PCCA: variants seen among roughly 807,000 people sequenced by gnomAD.
The protein encoded by PCCA is propionyl-CoA carboxylase subunit alpha.
A neutral mutation model predicts 101.3 loss-of-function variants in PCCA; 74 were observed. The observed-to-expected ratio is 0.73, with a 90% CI of 0.61 to 0.89. PCCA has a LOEUF of 0.89. Ranked by LOEUF, PCCA falls within the 40% of genes least tolerant of loss-of-function variation. The pLI, the probability that PCCA is intolerant of heterozygous loss-of-function variation, is 0.00. For synonymous variants in PCCA, 294 were observed against 313.6 expected (o/e 0.94, Z 0.66); for missense variants, 891 against 907.0 (o/e 0.98, Z 0.23).
Position 100,527,746 on chromosome 13 carries a change from T to A in PCCA, c.2112T>A (p.Thr704=). 1 of 1,611,712 alleles carries A rather than the reference T, an allele frequency of 6.2e-7. No individual in the cohort carries two copies. The highest frequency in any genetic ancestry group is 8.5e-7 in the Non-Finnish European group (1 of 1,177,970). Residue 704 remains threonine (T), a synonymous_variant, in exon 23 of 24, where the codon ACT becomes ACA. Coordinates refer to ENST00000376285, the MANE Select transcript of PCCA (RefSeq NM_000282.4). ...KMQNSMTAGK[T]GTVKSVHCQA... The stretch of plus-strand genomic sequence containing the variant: ...AGAATAGTATGACAGCTGGGAAAAC[T>A]GGCACGGTGAGTCCCTAAGTCCCCA...
At chr13:100,216,073 CTCCCCT>C (rs1229133158) in intron 7 of PCCA, among the ~76,000 whole-genome samples, 70 of 151,732 alleles carry the variant, frequency 4.6e-4, no homozygotes, top group African/African-American at 1.5e-3. Context: ...TCCCCTTCCC[CTCCCCT>C]TCCCCTTCCC....
chr13:100,129,576 G>A (rs1410030831), intron 4 of PCCA, among the ~76,000 whole-genome samples: 1 of 151,928 alleles, frequency 6.6e-6, no homozygotes, highest in African/African-American at 2.4e-5. Context: ...GTGCCCCCCC[G>A]CCGGCATTTT....
chr13:100,364,683 CTG>C (rs893815874), intron 18 of PCCA, among the ~76,000 whole-genome samples: 2 of 152,150 alleles, frequency 1.3e-5, no homozygotes, highest in African/African-American at 4.8e-5. Context: ...AGTTTCGACT[CTG>C]TTTTGGTATT....
chr13:100,397,911 G>A (rs766596071), intron 19 of PCCA, among the ~76,000 whole-genome samples: 8 of 152,106 alleles, frequency 5.3e-5, no homozygotes, highest in Admixed American at 4.6e-4. Context: ...TTCCCCAGTT[G>A]GACAAAAAGT....
chr13:100,422,070 T>TCTTTCTTTCTTTCTTTCTTTCTTTCTTTC (rs1555454058), intron 19 of PCCA, among the ~76,000 whole-genome samples: 9 of 110,706 alleles, frequency 8.1e-5, no homozygotes, highest in African/African-American at 2.8e-4. Context: ...TTCTCTTTTC[T>TCTTTCTTTCTTTCTTTCTTTCTTTCTTTC]TTTCTTTCTT....
At chr13:100,513,937 T>C (rs981626302) in intron 21 of PCCA, among the ~76,000 whole-genome samples, 3 of 152,204 alleles carry the variant, frequency 2.0e-5, no homozygotes, top group Non-Finnish European at 4.4e-5. Context: ...GGTCCAATTA[T>C]AGTCCTCTCT....
chr13:100,313,233 C>T (rs2067065819), intron 16 of PCCA, among the ~76,000 whole-genome samples: 1 of 152,140 alleles, frequency 6.6e-6, no homozygotes, highest in Non-Finnish European at 1.5e-5. Context: ...GAATACTTTA[C>T]CAGGCTTCTT....
At chr13:100,121,678 G>A (rs939605150) in intron 4 of PCCA, among the ~76,000 whole-genome samples, 1 of 151,804 alleles carries the variant, frequency 6.6e-6, no homozygotes. Context: ...GTTTCACCAC[G>A]TTGACCAGGC....
At chr13:100,121,861 C>T (rs2049434786) in intron 4 of PCCA, among the ~76,000 whole-genome samples, 1 of 152,120 alleles carries the variant, frequency 6.6e-6, no homozygotes, top group Non-Finnish European at 1.5e-5. Context: ...ATATTCTTGC[C>T]TGATTTCTCT....
chr13:100,313,020 A>G (rs1046998972), intron 16 of PCCA, among the ~76,000 whole-genome samples: 2 of 152,218 alleles, frequency 1.3e-5, no homozygotes, highest in African/African-American at 2.4e-5. Flanking sequence ...AATGAATAGT[A>G]CTGTGCATGC....
chr13:100,496,174 C>T (rs764904821), intron 21 of PCCA, among the ~76,000 whole-genome samples: 58 of 152,188 alleles, frequency 3.8e-4, no homozygotes, highest in Non-Finnish European at 7.1e-4. Context: ...ATCTACAAAC[C>T]TTTCAAATTT....
chr13:100,184,920 GA>G (rs1442211410), intron 6 of PCCA, among the ~76,000 whole-genome samples: 3 of 152,112 alleles, frequency 2.0e-5, no homozygotes, highest in Non-Finnish European at 2.9e-5. Context: ...TTAATGGTTA[GA>G]AAATTCTTCA....
intron 7 of PCCA, among the ~76,000 whole-genome samples, chr13:100,235,587 A>G (rs979074086): frequency 6.6e-6 from 1 of 152,176 alleles, no homozygotes; most frequent in African/African-American, 2.4e-5. Context: ...GCACCAAATC[A>G]TTGGCAATTC....
intron 21 of PCCA, among the ~76,000 whole-genome samples, chr13:100,477,163 T>TG (rs1410126870): frequency 6.6e-6 from 1 of 152,204 alleles, no homozygotes; most frequent in African/African-American, 2.4e-5. Context: ...GCACAGTTTC[T>TG]GGGTCTGTAA....
At chr13:100,471,334 TCAC>T (rs1461268437) in intron 21 of PCCA, among the ~76,000 whole-genome samples, 19 of 152,218 alleles carry the variant, frequency 1.2e-4, no homozygotes, top group African/African-American at 4.1e-4. Flanking sequence ...CGATGACAGA[TCAC>T]CACAACAGAT....
intron 7 of PCCA, among the ~76,000 whole-genome samples, chr13:100,215,390 G>T (rs1047097351): frequency 6.6e-6 from 1 of 152,148 alleles, no homozygotes; most frequent in Non-Finnish European, 1.5e-5. Context: ...ACTATAGAAG[G>T]AAACAGATGA....
At chr13:100,453,721 T>G (rs1350923542) in intron 21 of PCCA, among the ~76,000 whole-genome samples, 1 of 151,976 alleles carries the variant, frequency 6.6e-6, no homozygotes, top group Non-Finnish European at 1.5e-5. Flanking sequence ...TTCACTCCCT[T>G]TTATCCACTT....
chr13:100,431,777 A>T (rs2079566373), intron 20 of PCCA, among the ~76,000 whole-genome samples: 1 of 151,868 alleles, frequency 6.6e-6, no homozygotes, highest in Admixed American at 6.6e-5. Flanking sequence ...GAGGCAGGAG[A>T]ATGGTGTGAA....
In PCCA at chr13:100,348,819, T is replaced by TTC. The variant is rs1258776476; in HGVS notation, c.1643+8560_1643+8561insTC. Among the ~76,000 whole-genome samples the TTC allele has an allele frequency of 1.6e-3, 88 of 53,462 alleles. 5 individuals carry two copies. The highest frequency in any genetic ancestry group is 4.2e-3 in the African/African-American group (58 of 13,672). 35.1% of individuals were successfully genotyped at this position (53,462 alleles called of 152,430 possible). ...TCCTTCCTTCCTTCCTTCCTTCCTT[T>TTC]CTTTCTTTTCTCTCTCTTTTTCTCT... is the stretch of plus-strand genomic sequence containing the variant. On this transcript the variant is annotated intron_variant, in intron 18 of 23. Transcript: ENST00000376285.
Sources: allele counts gnomAD v4.1 joint callset (sites outside exome capture counted in the v4.1 genomes callset), GRCh38; gene constraint gnomAD v4.1.1; transcripts MANE v1.5; gene names NCBI Gene and HGNC (gene_info 2026-07-23, HGNC 2026-07-21).